CAMTA1: variants seen among roughly 807,000 people sequenced by gnomAD.
CAMTA1 encodes calmodulin binding transcription activator 1, also known as calmodulin-binding transcription activator 1.
Under a neutral mutation model 170.9 loss-of-function variants are expected in CAMTA1, and 27 were observed. The ratio of observed to expected loss-of-function variants is 0.16; its 90% CI spans 0.12 to 0.22. CAMTA1 has a LOEUF of 0.22. CAMTA1 is among the 10% of genes least tolerant of loss of function. The pLI, the probability that CAMTA1 is intolerant of heterozygous loss-of-function variation, is 1.00. For missense variants in CAMTA1, 1,619 were observed against 2,217.2 expected (o/e 0.73, Z 5.42); for synonymous variants, 833 against 891.5 (o/e 0.93, Z 1.17).
At chr1:7,354,235 A>G (rs12084560) in intron 5 of CAMTA1, among the ~76,000 whole-genome samples, 10,512 of 144,744 alleles carry the variant, frequency 0.073, 1,197 homozygotes, top group African/African-American at 0.25. Flanking sequence ...TGCAAGCTCC[A>G]CCTCCTGGGT....
At chr1:7,727,235 G>A (rs2096695610) in intron 11 of CAMTA1, among the ~76,000 whole-genome samples, 1 of 149,750 alleles carries the variant, frequency 6.7e-6, no homozygotes, top group African/African-American at 2.5e-5. Flanking sequence ...CCATTCTCCT[G>A]CCTCAGCCTC....
At chr1:6,888,050 C>G (rs1464168965) in intron 3 of CAMTA1, 3 of 1,089,166 alleles carry the variant, frequency 2.8e-6, no homozygotes, top group Admixed American at 4.7e-5. Flanking sequence ...TAGCACCTGC[C>G]CCAGCGGTGG....
intron 3 of CAMTA1, among the ~76,000 whole-genome samples, chr1:7,016,327 G>A (rs920181318): frequency 6.6e-6 from 1 of 152,164 alleles, no homozygotes. Flanking sequence ...TTGTGTGCAT[G>A]TCCTATGTCA....
intron 6 of CAMTA1, among the ~76,000 whole-genome samples, chr1:7,549,294 G>A (rs527481956): frequency 9.9e-5 from 15 of 151,844 alleles, no homozygotes; most frequent in South Asian, 2.1e-4. Context: ...GGAGATGCCC[G>A]TGGAGGGTGT....
chr1:7,508,681 G>C (rs890681303), intron 6 of CAMTA1, among the ~76,000 whole-genome samples: 3 of 151,750 alleles, frequency 2.0e-5, no homozygotes, highest in Non-Finnish European at 4.4e-5. Flanking sequence ...GGAAAGTGGG[G>C]CAAGAGATGA....
At chr1:6,975,568 G>C (rs1179338327) in intron 3 of CAMTA1, among the ~76,000 whole-genome samples, 1 of 152,176 alleles carries the variant, frequency 6.6e-6, no homozygotes, top group Non-Finnish European at 1.5e-5. Flanking sequence ...TGCAATGACA[G>C]TTGTTCAAGC....
chr1:7,488,698 T>G (rs2093655917), intron 6 of CAMTA1, among the ~76,000 whole-genome samples: 1 of 152,094 alleles, frequency 6.6e-6, no homozygotes, highest in Admixed American at 6.6e-5. Flanking sequence ...TACACATAAA[T>G]ATATACATAT....
intron 5 of CAMTA1, among the ~76,000 whole-genome samples, chr1:7,304,200 AACGGTCAAAATGG>A (rs1675236462): frequency 6.6e-6 from 1 of 152,184 alleles, no homozygotes; most frequent in Non-Finnish European, 1.5e-5. Flanking sequence ...TGCACTTGAA[AACGGTCAAAATGG>A]GAAATTTCAT....
chr1:7,218,873 G>A (rs1402191577), intron 4 of CAMTA1, among the ~76,000 whole-genome samples: 2 of 152,058 alleles, frequency 1.3e-5, no homozygotes, highest in Non-Finnish European at 2.9e-5. Flanking sequence ...TTGTGTGGTT[G>A]TTTTTGTTCT....
At chr1:7,265,934 T>C (rs1488370792) in intron 5 of CAMTA1, among the ~76,000 whole-genome samples, 1 of 152,118 alleles carries the variant, frequency 6.6e-6, no homozygotes, top group Non-Finnish European at 1.5e-5. Flanking sequence ...TAGGGCTTGT[T>C]TGATGGTTTG....
chr1:7,197,312 T>C (rs1311303366), intron 4 of CAMTA1, among the ~76,000 whole-genome samples: 1 of 152,186 alleles, frequency 6.6e-6, no homozygotes, highest in African/African-American at 2.4e-5. Flanking sequence ...TCTGAAGCAC[T>C]GGCTAGACTT....
At chr1:7,543,646 C>G (rs2094645657) in intron 6 of CAMTA1, among the ~76,000 whole-genome samples, 1 of 152,166 alleles carries the variant, frequency 6.6e-6, no homozygotes, top group Non-Finnish European at 1.5e-5. Context: ...GCTAAAGACT[C>G]ATTTGATGAA....
At chr1:7,726,800 A>G (rs2096690672) in intron 11 of CAMTA1, among the ~76,000 whole-genome samples, 1 of 152,258 alleles carries the variant, frequency 6.6e-6, no homozygotes. Context: ...TAAAAATCTC[A>G]GAACCGCCAG....
intron 11 of CAMTA1, among the ~76,000 whole-genome samples, chr1:7,704,956 G>T (rs1423870150): frequency 7.1e-6 from 1 of 139,866 alleles, no homozygotes; most frequent in Non-Finnish European, 1.6e-5. Flanking sequence ...GGCGGCCGGC[G>T]GGGGCGCGCG....
rs557107469 is a variant in CAMTA1 at position 7,345,042 on chromosome 1, C to T, written c.438+95416C>T. Among the ~76,000 whole-genome samples the T allele has an allele frequency of 1.5e-4, 23 of 152,108 alleles. No homozygotes were observed. The South Asian group carries it at 3.3e-3, about 22-fold the overall frequency. On this transcript the variant is annotated intron_variant, in intron 5 of 22. Transcript: ENST00000303635. ...CTGGGATTACAGGTGTGAGCCACCGCGCCCAGCCTCCTGCTCAAGTCTTTT... is the reference window on the plus strand; with the variant it reads ...CTGGGATTACAGGTGTGAGCCACCGTGCCCAGCCTCCTGCTCAAGTCTTTT...
intron 4 of CAMTA1, among the ~76,000 whole-genome samples, chr1:7,107,794 G>T (rs1643761716): frequency 6.6e-6 from 1 of 152,282 alleles, no homozygotes; most frequent in Admixed American, 6.5e-5. Flanking sequence ...AGGCTAGAGG[G>T]CCTTTCCAAG....
rs567930223 is a variant in CAMTA1, at chr1:7,725,431, G to A, written c.2915-7017G>A. Reference sequence around the variant, plus strand: ...GGGTTTTAAATCGTTTTCGAGTATCGCCTGGTCTGAGTTGGGGTGCTTGAG... The same window carrying A: ...GGGTTTTAAATCGTTTTCGAGTATCACCTGGTCTGAGTTGGGGTGCTTGAG... On this transcript the variant is annotated intron_variant, in intron 11 of 22. Coordinates refer to ENST00000303635, the MANE Select transcript of CAMTA1 (RefSeq NM_015215.4). 9.2e-5 allele frequency among the ~76,000 whole-genome samples: 14 copies of A among 152,326 alleles called. No homozygotes were observed. In the East Asian group the frequency reaches 1.5e-3, roughly 17 times the overall value.
intron 5 of CAMTA1, among the ~76,000 whole-genome samples, chr1:7,317,879 T>C (rs1677771118): frequency 6.6e-6 from 1 of 152,270 alleles, no homozygotes; most frequent in Admixed American, 6.5e-5. Context: ...AAATTATTGA[T>C]CTTCTCTGTT....
rs138661434 is a variant in CAMTA1, at chr1:7,271,565, GAGATAGATAGATAGATAGATAGAT to G, written c.438+21965_438+21988del. On this transcript the variant is annotated intron_variant, in intron 5 of 22. Transcript: ENST00000303635. ...TAAACTGTTAATTACACTGAGAAAA[GAGATAGATAGATAGATAGATAGAT>G]AGATAGATAGATAGATAGATAGATA... 9.5e-3 allele frequency among the ~76,000 whole-genome samples: 1,364 copies of G among 142,854 alleles called. 25 individuals carry two copies. The highest frequency in any genetic ancestry group is 0.033 in the African/African-American group (1,292 of 38,772). The allele number at this position is 142,854 out of a possible 152,430, so 93.7% of individuals were successfully genotyped here.
Sources: gnomAD v4.1 joint callset for allele counts (sites outside exome capture counted in the v4.1 genomes callset) on GRCh38, gnomAD v4.1.1 for gene constraint, MANE v1.5 for transcripts, NCBI Gene and HGNC (gene_info 2026-07-23, HGNC 2026-07-21) for gene names.